NLRP3: variants seen among roughly 807,000 people sequenced by gnomAD.
The protein encoded by NLRP3 is NACHT, LRR and PYD domains-containing protein 3.
A neutral mutation model predicts 91.3 loss-of-function variants in NLRP3; 48 were observed. The observed-to-expected ratio is 0.53, with a 90% CI of 0.42 to 0.67. The LOEUF (loss-of-function observed/expected upper bound fraction) is 0.67. Ranked by LOEUF, NLRP3 falls within the 30% of genes least tolerant of loss-of-function variation. The probability of loss-of-function intolerance (pLI) is 0.00; values close to 1 mark genes in which losing one functional copy is unlikely to be tolerated. For missense variants in NLRP3, 982 were observed against 1,276.9 expected, an observed-to-expected ratio of 0.77 and a Z score of 3.52; for synonymous variants, 561 against 507.9, an observed-to-expected ratio of 1.10 and a Z score of -1.41.
intron 9 of NLRP3, 46 bp downstream of exon 9, chr1:247,444,867 C>A: frequency 6.3e-7 from 1 of 1,594,928 alleles, no homozygotes; most frequent in South Asian, 1.1e-5. Context: ...TCTGAGTTCT[C>A]AGGAAACGTT....
intron 9 of NLRP3, 28 bp downstream of exon 9, chr1:247,444,849 G>C: frequency 6.2e-7 from 1 of 1,610,944 alleles, no homozygotes; most frequent in African/African-American, 1.3e-5. Context: ...AGATGCCCGT[G>C]GTGGGACTCT....
At position 247,444,656 on chromosome 1, in the gene NLRP3, A is replaced by C; in HGVS notation, c.2840A>C (p.Asp947Ala). ...AAATCACCCCCTTTTTGCAGATTAGACAACTGCAACCTCACGTCACACTGC... is the reference window on the plus strand; with the variant it reads ...AAATCACCCCCTTTTTGCAGATTAGCCAACTGCAACCTCACGTCACACTGC... ...PDCKLQVLEL[D>A]NCNLTSHCCW... Residue 947 changes from aspartate (D) to alanine (A), a missense_variant, in exon 9 of 10, where the codon GAC (aspartate) becomes GCC (alanine). Transcript: ENST00000336119. 1 of 1,613,936 alleles carries C rather than the reference A, an allele frequency of 6.2e-7. No homozygotes were observed. Among genetic ancestry groups the C allele is most frequent in the Non-Finnish European group, 8.5e-7 (1 of 1,179,992 alleles).
chr1:247,441,105 C>A, intron 7 of NLRP3, among the ~76,000 whole-genome samples: 1 of 137,564 alleles, frequency 7.3e-6, no homozygotes, highest in Non-Finnish European at 1.6e-5. Flanking sequence ...CCTCCTCCTC[C>A]TTTCTTTCTC....
intron 1 of NLRP3, among the ~76,000 whole-genome samples, chr1:247,416,648 G>A (rs1021605886): frequency 4.2e-5 from 5 of 119,068 alleles, no homozygotes; most frequent in South Asian, 2.4e-4. Context: ...GGAGCTAATA[G>A]GGCTGTCTGG....
chr1:247,422,065 A>C (rs1157220633), intron 2 of NLRP3, among the ~76,000 whole-genome samples: 1 of 152,150 alleles, frequency 6.6e-6, no homozygotes, highest in African/African-American at 2.4e-5. Context: ...TGATATGGTT[A>C]CCAAGTAGAC....
At chr1:247,426,002 C>T (rs979684702) in intron 4 of NLRP3, among the ~76,000 whole-genome samples, 2 of 152,154 alleles carry the variant, frequency 1.3e-5, no homozygotes, top group Non-Finnish European at 2.9e-5. Flanking sequence ...CAGAGGGCCT[C>T]AGAGCTGGAG....
At chr1:247,448,186 G>A (rs992642615) in intron 9 of NLRP3, among the ~76,000 whole-genome samples, 11 of 151,538 alleles carry the variant, frequency 7.3e-5, no homozygotes, top group African/African-American at 2.7e-4. Context: ...TCTTGAAGAA[G>A]GTGCGGAGTC....
chr1:247,443,939 G>A, intron 7 of NLRP3, 33 bp from the exon 8 acceptor site: 1 of 1,610,290 alleles, frequency 6.2e-7, no homozygotes, highest in Non-Finnish European at 8.5e-7. Context: ...GAACAGCTGG[G>A]TACTGAGGAC....
chr1:247,441,145 TTC>T (rs1205346953), intron 7 of NLRP3, among the ~76,000 whole-genome samples: 316 of 128,292 alleles, frequency 2.5e-3, no homozygotes, highest in African/African-American at 7.8e-3. Flanking sequence ...CTTTCTTTCT[TTC>T]TCTCTCTCTC....
chr1:247,417,338 G>A (rs1662130278), intron 1 of NLRP3, among the ~76,000 whole-genome samples: 1 of 152,204 alleles, frequency 6.6e-6, no homozygotes, highest in African/African-American at 2.4e-5. Flanking sequence ...GCACCTCATA[G>A]AGCTCTGTGC....
At chr1:247,416,408 C>T (rs72553859) in intron 1 of NLRP3, among the ~76,000 whole-genome samples, 6 of 151,956 alleles carry the variant, frequency 3.9e-5, no homozygotes, top group Admixed American at 1.3e-4. Context: ...CGGGGGGAAG[C>T]GGGGAGGACA....
chr1:247,448,201 G>A (rs1301486299), intron 9 of NLRP3, among the ~76,000 whole-genome samples: 4 of 151,488 alleles, frequency 2.6e-5, no homozygotes, highest in African/African-American at 7.3e-5. Context: ...GGAGTCTCGC[G>A]GCCATCTTGG....
chr1:247,423,294 G>C lies in NLRP3; in HGVS notation c.342G>C (p.Glu114Asp). ...GCCAGGAAGACAGCATTGAAGAGGA[G>C]TGGATGGGTTTACTGGAGTACCTTT... ...VICQEDSIEE[E>D]WMGLLEYLSR... The change falls in exon 3 of 10, where the codon GAG becomes GAC. Residue 114 changes from glutamate (E) to aspartate (D), a missense_variant. Physicochemically the swap from Glu to Asp is conservative, Grantham distance 45. Coordinates refer to ENST00000336119, the MANE Select transcript of NLRP3 (RefSeq NM_001243133.2). 3.1e-6 allele frequency: 5 copies of C among 1,613,962 alleles called. No homozygotes were observed. The highest frequency in any genetic ancestry group is 1.3e-5 in the African/African-American group (1 of 75,030).
intron 2 of NLRP3, among the ~76,000 whole-genome samples, chr1:247,420,287 G>A (rs558497746): frequency 6.6e-6 from 1 of 152,064 alleles, no homozygotes; most frequent in Admixed American, 6.6e-5. Context: ...CCTTGTAGGA[G>A]TTCTTTATGT....
chr1:247,429,516 G>C, intron 4 of NLRP3, 69 bp from the exon 5 acceptor site: 1 of 1,567,608 alleles, frequency 6.4e-7, no homozygotes, highest in Non-Finnish European at 8.8e-7. Context: ...AGGCACCCCG[G>C]CCCCCAGCTC....
chr1:247,444,538 T>G, intron 8 of NLRP3, 113 bp from the exon 9 acceptor site: 3 of 1,134,718 alleles, frequency 2.6e-6, no homozygotes, highest in Non-Finnish European at 4.0e-6. Context: ...AGTCCTGTGC[T>G]CCTGTGCTTT....
intron 7 of NLRP3, among the ~76,000 whole-genome samples, chr1:247,438,201 T>G (rs943439064): frequency 7.2e-5 from 11 of 152,142 alleles, no homozygotes; most frequent in African/African-American, 2.4e-4. Context: ...CAGTCCTTAC[T>G]TTAGTTGACA....
At chr1:247,444,283 G>A in intron 8 of NLRP3, 141 bp downstream of exon 8, 1 of 898,832 alleles carries the variant, frequency 1.1e-6, no homozygotes, top group Non-Finnish European at 1.8e-6. Context: ...AGGATCATGG[G>A]ACTGGGAGGA....
In NLRP3 at chr1:247,424,355, C is replaced by T. The variant is rs756989752; in HGVS notation, c.906C>T (p.Phe302=). 4.7e-5 allele frequency: 76 copies of T among 1,613,416 alleles called. No individual in the cohort carries two copies. Among genetic ancestry groups the T allele is most frequent in the Admixed American group, 3.5e-4 (21 of 59,988 alleles). The change falls in exon 4 of 10, where the codon TTC becomes TTT. Residue 302 remains phenylalanine, a synonymous_variant. Transcript: ENST00000336119. The surrounding 1 kb of genome is among the most constrained non-coding windows in gnomAD (Gnocchi z 8.1). ...PSRILFLMDG[F]DELQGAFDEH... ...GAATCCTCTTCCTCATGGACGGCTT[C>T]GATGAGCTGCAAGGTGCCTTTGACG...
Sources: gnomAD v4.1 joint callset for allele counts (sites outside exome capture counted in the v4.1 genomes callset) on GRCh38, gnomAD v4.1.1 for gene constraint, Gnocchi (gnomAD v3.1) non-coding constraint, MANE v1.5 for transcripts, NCBI Gene and HGNC (gene_info 2026-07-23, HGNC 2026-07-21) for gene names.